The following NTRK2 variants were observed in gnomAD, a reference collection of about 807,000 sequenced individuals.
The protein encoded by NTRK2 is neurotrophic receptor tyrosine kinase 2.
Under a neutral mutation model 94.5 loss-of-function variants are expected in NTRK2, and 13 were observed. The observed-to-expected ratio is 0.14, with a 90% confidence interval of 0.09 to 0.22. The LOEUF (loss-of-function observed/expected upper bound fraction) is 0.22, where lower values mean the gene tolerates loss of function less well. NTRK2 is among the 10% of genes least tolerant of loss of function. The pLI, the probability that NTRK2 is intolerant of heterozygous loss-of-function variation, is 1.00. For synonymous variants in NTRK2, 372 were observed against 407.4 expected (o/e 0.91, Z 1.05); for missense variants, 639 against 1,071.2 (o/e 0.60, Z 5.63).
At chr9:85,004,241 T>C (rs1830716023) in intron 17 of NTRK2, among the ~76,000 whole-genome samples, 1 of 151,884 alleles carries the variant, frequency 6.6e-6, no homozygotes, top group Non-Finnish European at 1.5e-5. Context: ...GGAAGATTGT[T>C]CCAAAGTCTG....
At chr9:84,847,641 G>A (rs1022784488) in intron 12 of NTRK2, among the ~76,000 whole-genome samples, 1 of 152,142 alleles carries the variant, frequency 6.6e-6, no homozygotes, top group Admixed American at 6.5e-5. Context: ...CATAGACTTC[G>A]TTTTGATCAG....
intron 17 of NTRK2, among the ~76,000 whole-genome samples, chr9:84,998,486 T>A (rs921947699): frequency 1.3e-5 from 2 of 152,166 alleles, no homozygotes; most frequent in African/African-American, 4.8e-5. Context: ...CAACAGCAAC[T>A]CAGGAGCTGA....
At chr9:84,996,385 T>C (rs1003883135) in intron 17 of NTRK2, among the ~76,000 whole-genome samples, 2 of 152,258 alleles carry the variant, frequency 1.3e-5, no homozygotes, top group South Asian at 2.1e-4. Flanking sequence ...TAGAGTGAGA[T>C]AGCAATTCTG....
intron 11 of NTRK2, among the ~76,000 whole-genome samples, chr9:84,749,491 G>C (rs750310131): frequency 6.6e-6 from 1 of 152,158 alleles, no homozygotes; most frequent in Non-Finnish European, 1.5e-5. Flanking sequence ...CAGTGTAGTG[G>C]ATAAATCACA....
At chr9:84,780,505 T>C (rs1340112090) in intron 12 of NTRK2, among the ~76,000 whole-genome samples, 1 of 152,146 alleles carries the variant, frequency 6.6e-6, no homozygotes, top group African/African-American at 2.4e-5. Context: ...CGGTTCAGCT[T>C]CTCTGTTTTA....
intron 14 of NTRK2, among the ~76,000 whole-genome samples, chr9:84,886,608 C>A (rs1315373367): frequency 6.6e-6 from 1 of 152,192 alleles, no homozygotes; most frequent in Non-Finnish European, 1.5e-5. Context: ...AAAGTGGTAT[C>A]TGAGGCCTGC....
chr9:84,866,719 C>A (rs2075612312), intron 13 of NTRK2, among the ~76,000 whole-genome samples: 1 of 152,006 alleles, frequency 6.6e-6, no homozygotes, highest in Non-Finnish European at 1.5e-5. Flanking sequence ...GTAATTCCAC[C>A]CAAGAGAAAT....
intron 9 of NTRK2, among the ~76,000 whole-genome samples, chr9:84,735,005 A>C (rs921101910): frequency 6.6e-6 from 1 of 151,982 alleles, no homozygotes; most frequent in Non-Finnish European, 1.5e-5. Flanking sequence ...GGACAAAACC[A>C]ATCTCCTGTC....
intron 12 of NTRK2, among the ~76,000 whole-genome samples, chr9:84,771,713 A>G (rs1324933549): frequency 6.6e-6 from 1 of 152,192 alleles, no homozygotes; most frequent in African/African-American, 2.4e-5. Context: ...CACTTCCTTC[A>G]GGAATGCTTC....
At chr9:84,896,014 C>G (rs1453553206) in intron 14 of NTRK2, among the ~76,000 whole-genome samples, 1 of 152,232 alleles carries the variant, frequency 6.6e-6, no homozygotes, top group South Asian at 2.1e-4. Context: ...GTAAGCCTCT[C>G]ACCCTCTCTT....
chr9:84,739,751 C>A (rs921612609), intron 9 of NTRK2, among the ~76,000 whole-genome samples: 2 of 152,150 alleles, frequency 1.3e-5, no homozygotes, highest in African/African-American at 4.8e-5. Flanking sequence ...CTAGAAAAAG[C>A]CCTCAGTCCT....
intron 14 of NTRK2, chr9:84,875,710 G>C: frequency 9.5e-7 from 1 of 1,053,746 alleles, no homozygotes; most frequent in Non-Finnish European, 1.1e-6. Flanking sequence ...TCCCAGCTTT[G>C]CTTAAACTTG....
intron 16 of NTRK2, among the ~76,000 whole-genome samples, chr9:84,952,216 C>T (rs1436950978): frequency 2.0e-5 from 3 of 152,194 alleles, no homozygotes; most frequent in Non-Finnish European, 4.4e-5. Flanking sequence ...AGATTCAAAC[C>T]TGCAGCCCCT....
intron 9 of NTRK2, among the ~76,000 whole-genome samples, chr9:84,739,767 G>C (rs979129293): frequency 1.1e-4 from 16 of 152,338 alleles, no homozygotes; most frequent in African/African-American, 3.6e-4. Flanking sequence ...GTCCTGGGCA[G>C]ATGGAAAGGA....
chr9:84,802,979 T>G, intron 12 of NTRK2, among the ~76,000 whole-genome samples: 1 of 152,138 alleles, frequency 6.6e-6, no homozygotes, highest in Non-Finnish European at 1.5e-5. Flanking sequence ...GGGTTTAAGT[T>G]GGGTATGCCT....
At chr9:85,011,407 G>A (rs1392887938) in intron 17 of NTRK2, among the ~76,000 whole-genome samples, 1 of 152,134 alleles carries the variant, frequency 6.6e-6, no homozygotes, top group East Asian at 1.9e-4. Flanking sequence ...ATACATCAAA[G>A]CCCTAGCCCT....
At chr9:84,876,637 T>A (rs1464764395) in intron 14 of NTRK2, 1 of 1,058,694 alleles carries the variant, frequency 9.4e-7, no homozygotes, top group Admixed American at 5.4e-5. Flanking sequence ...TTTACCCACA[T>A]GATTTTTCCA....
chr9:84,849,655 T>A (rs1035127945), intron 12 of NTRK2, among the ~76,000 whole-genome samples: 1 of 152,068 alleles, frequency 6.6e-6, no homozygotes, highest in African/African-American at 2.4e-5. Context: ...AACTTACAGT[T>A]TAGGAGGAGG....
At position 84,963,914 on chromosome 9, in the gene NTRK2, T is replaced by C. The variant is rs79993795; in HGVS notation, c.2172+8397T>C. Among the ~76,000 whole-genome samples, 308 of 152,364 alleles carry C rather than the reference T, an allele frequency of 2.0e-3. 6 individuals are homozygous for C. In the East Asian group the frequency reaches 0.052, roughly 25 times the overall value. ...CCAGTATAGTCTCCATTTCACACTT[T>C]GCAGTTTTCATTTCTGGAAGTTCAA... On this transcript the variant is annotated intron_variant, in intron 17 of 18. Coordinates refer to ENST00000277120, the MANE Select transcript of NTRK2 (RefSeq NM_006180.6).
Sources: gnomAD v4.1 joint callset for allele counts (sites outside exome capture counted in the v4.1 genomes callset) on GRCh38, gnomAD v4.1.1 for gene constraint, MANE v1.5 for transcripts, NCBI Gene and HGNC (gene_info 2026-07-23, HGNC 2026-07-21) for gene names.